CNDP2: variants seen among roughly 807,000 people sequenced by gnomAD.
CNDP2 encodes carnosine dipeptidase 2.
A neutral mutation model predicts 55.0 loss-of-function variants in CNDP2; 38 were observed. The ratio of observed to expected loss-of-function variants is 0.69; its 90% CI spans 0.53 to 0.90. CNDP2 has a LOEUF of 0.90. Ranked by LOEUF, CNDP2 falls within the 40% of genes least tolerant of loss-of-function variation. The pLI is 0.00. For missense variants in CNDP2, 607 were observed against 621.7 expected, an observed-to-expected ratio of 0.98 and a Z score of 0.25; for synonymous variants, 241 against 260.2, an observed-to-expected ratio of 0.93 and a Z score of 0.71.
intron 8 of CNDP2, 44 bp downstream of exon 8, chr18:74,513,763 G>A: frequency 1.3e-6 from 2 of 1,590,226 alleles, no homozygotes; most frequent in Non-Finnish European, 1.7e-6. Flanking sequence ...AGGCCACGCT[G>A]TGACACAGGT....
chr18:74,501,211 GCCTGTT>G, intron 2 of CNDP2, 112 bp from the exon 3 acceptor site: 1 of 1,468,112 alleles, frequency 6.8e-7, no homozygotes, highest in Non-Finnish European at 9.0e-7. Context: ...TTTCCAATCA[GCCTGTT>G]CAACTGCAGC....
At chr18:74,502,363 T>G (rs1267455509) in intron 3 of CNDP2, among the ~76,000 whole-genome samples, 1 of 152,292 alleles carries the variant, frequency 6.6e-6, no homozygotes, top group East Asian at 1.9e-4. Context: ...GGTCCTTGAA[T>G]AAGGTAGTTT....
At chr18:74,504,361 G>A (rs1468670460) in intron 3 of CNDP2, among the ~76,000 whole-genome samples, 1 of 152,270 alleles carries the variant, frequency 6.6e-6, no homozygotes, top group African/African-American at 2.4e-5. Context: ...CTGCCGCTGG[G>A]ACAAATGAGG....
rs1166191925 is a variant in CNDP2 at position 74,501,435 on chromosome 18, G to A, written c.167G>A (p.Gly56Glu). The A allele has an allele frequency of 9.9e-6, 16 of 1,613,978 alleles. No homozygotes were observed. Among genetic ancestry groups the A allele is most frequent in the Non-Finnish European group, 3.4e-6 (4 of 1,179,998 alleles). ...GCTGCTGCAGATGTTAAGCAGTTGGGGGGCTCTGTGGAACTGGTGGATATC... is the reference window on the plus strand; with the variant it reads ...GCTGCTGCAGATGTTAAGCAGTTGGAGGGCTCTGTGGAACTGGTGGATATC... ...EVAAADVKQL[G>E]GSVELVDIGK... The change falls in exon 3 of 12, where the codon GGG (glycine) becomes GAG (glutamate). Residue 56 changes from glycine to glutamate, a missense_variant. Gly to Glu is a moderately conservative substitution (Grantham distance 98). Coordinates refer to ENST00000324262, the MANE Select transcript of CNDP2 (RefSeq NM_018235.3).
chr18:74,506,577 T>C (rs1979038292), intron 4 of CNDP2, among the ~76,000 whole-genome samples: 2 of 152,210 alleles, frequency 1.3e-5, no homozygotes, highest in Admixed American at 6.5e-5. Context: ...GCTGATGCTT[T>C]TTCTCAGAAT....
intron 3 of CNDP2, among the ~76,000 whole-genome samples, chr18:74,504,252 G>A (rs1978884356): frequency 6.7e-6 from 1 of 148,612 alleles, no homozygotes; most frequent in African/African-American, 2.5e-5. Flanking sequence ...AGTGCCGCTG[G>A]GACAAATGAT....
At position 74,510,870 on chromosome 18, in the gene CNDP2, G is replaced by T. The variant is rs780248302; in HGVS notation, c.514G>T (p.Gly172Cys). 6.2e-7 allele frequency: 1 copy of T among 1,614,094 alleles called. No individual in the cohort carries two copies. Among genetic ancestry groups the T allele is most frequent in the South Asian group, 1.1e-5 (1 of 91,078 alleles). The part of the protein sequence containing the change: ...LEGMEESGSE[G>C]LDELIFARKD... ...AGGCATGGAGGAGTCAGGCTCTGAG[G>T]GCCTAGACGAGCTGATTTTTGCCCG... The change falls in exon 6 of 12, where the codon GGC (glycine) becomes TGC (cysteine). Residue 172 changes from glycine (G) to cysteine (C), a missense_variant. Physicochemically the swap from Gly to Cys is radical, Grantham distance 159. Coordinates refer to ENST00000324262, the MANE Select transcript of CNDP2 (RefSeq NM_018235.3).
chr18:74,500,743 T>TTTTA (rs1978644170), intron 2 of CNDP2, among the ~76,000 whole-genome samples: 1 of 152,230 alleles, frequency 6.6e-6, no homozygotes, highest in Non-Finnish European at 1.5e-5. Flanking sequence ...GCTGGGAGCA[T>TTTTA]CGGCAAGCTA....
At chr18:74,499,700 A>C in intron 1 of CNDP2, 182 bp from the exon 2 acceptor site, 1 of 385,274 alleles carries the variant, frequency 2.6e-6, no homozygotes, top group Non-Finnish European at 4.6e-6. Flanking sequence ...CTGACACGGA[A>C]TTTTGTGTAA....
chr18:74,513,212 G>A (rs948008740), intron 7 of CNDP2, among the ~76,000 whole-genome samples: 7 of 152,354 alleles, frequency 4.6e-5, no homozygotes, highest in South Asian at 2.1e-4. Context: ...GGTTTGCGTC[G>A]TGGTCTATGA....
chr18:74,513,465 C>T (rs1979468611), intron 7 of CNDP2, 94 bp from the exon 8 acceptor site: 2 of 1,367,430 alleles, frequency 1.5e-6, no homozygotes, highest in African/African-American at 1.5e-5. Flanking sequence ...CCGCATCTCT[C>T]CTGAGCCTGG....
At position 74,499,991 on chromosome 18, in the gene CNDP2, C is replaced by A; in HGVS notation, c.18C>A (p.Thr6=). 1.2e-6 allele frequency: 2 copies of A among 1,614,038 alleles called. No homozygotes were observed. The highest frequency in any genetic ancestry group is 1.7e-6 in the Non-Finnish European group (2 of 1,179,986). ...GTTGAAAGATGGCGGCCCTCACTAC[C>A]CTGTTTAAGTACATAGATGAAAATC... The part of the protein sequence containing the change: MAALT[T]LFKYIDENQD... The change falls in exon 2 of 12, where the codon ACC becomes ACA. Residue 6 remains threonine (T), a synonymous_variant. Transcript: ENST00000324262.
intron 3 of CNDP2, among the ~76,000 whole-genome samples, chr18:74,502,573 G>A (rs1315257028): frequency 6.6e-6 from 1 of 151,456 alleles, no homozygotes; most frequent in Admixed American, 6.6e-5. Flanking sequence ...AAATTGTCAC[G>A]CCACCATACC....
chr18:74,516,314 C>G lies in CNDP2; in HGVS notation c.990C>G (p.Thr330=). 6.2e-7 allele frequency: 1 copy of G among 1,614,108 alleles called. No individual in the cohort carries two copies. The highest frequency in any genetic ancestry group is 8.5e-7 in the Non-Finnish European group (1 of 1,180,004). ...EGAFSGSGAK[T]VIPRKVVGKF... Reference sequence around the variant, plus strand: ...CCTTCTCTGGGTCTGGGGCCAAGACCGTGATTCCCAGGAAGGTGGTTGGCA... The same window carrying G: ...CCTTCTCTGGGTCTGGGGCCAAGACGGTGATTCCCAGGAAGGTGGTTGGCA... The change falls in exon 9 of 12, where the codon ACC becomes ACG. Residue 330 remains threonine, a synonymous_variant. Coordinates refer to ENST00000324262, the MANE Select transcript of CNDP2 (RefSeq NM_018235.3).
rs72527615 is a variant in CNDP2 at position 74,503,073 on chromosome 18, G to GTTTTTTTTTTTTT, written c.204+1602_204+1614dup. 1.4e-5 allele frequency among the ~76,000 whole-genome samples: 2 copies of GTTTTTTTTTTTTT among 142,190 alleles called. 1 individual carries two copies. 93.3% of individuals were successfully genotyped at this position (142,190 alleles called of 152,430 possible). A position where few individuals can be genotyped will look rare whatever the true frequency, so the allele number is the denominator to read the frequency against. On this transcript the variant is annotated intron_variant, in intron 3 of 11. Transcript: ENST00000324262. ...GGTCAGACTCACCTTGCTCCCTTTCGTTTTTTTTTTTTTCCTAATATATTG... is the reference window on the plus strand; with the variant it reads ...GGTCAGACTCACCTTGCTCCCTTTCGTTTTTTTTTTTTTTTTTTTTTTTTTTCCTAATATATTG...
chr18:74,516,163 T>C (rs1268666306), intron 8 of CNDP2, 65 bp from the exon 9 acceptor site: 9 of 1,504,094 alleles, frequency 6.0e-6, no homozygotes, highest in Non-Finnish European at 8.1e-6. Context: ...TCCCAGCTCC[T>C]CGGTGAGCAG....
chr18:74,508,533 C>A (rs1210825057), intron 4 of CNDP2: 1 of 305,796 alleles, frequency 3.3e-6, no homozygotes. Context: ...GGCTGCGACT[C>A]CCTGGAGTTA....
intron 2 of CNDP2, 110 bp from the exon 3 acceptor site, chr18:74,501,219 A>AGCC: frequency 6.8e-7 from 1 of 1,479,122 alleles, no homozygotes; most frequent in Non-Finnish European, 9.0e-7. Context: ...CAGCCTGTTC[A>AGCC]ACTGCAGCAG....
chr18:74,511,127 G>T, intron 6 of CNDP2, 114 bp downstream of exon 6: 1 of 886,884 alleles, frequency 1.1e-6, no homozygotes, highest in Non-Finnish European at 1.7e-6. Context: ...GAGAAGCACA[G>T]GGCTCACTTA....
Sources: allele counts gnomAD v4.1 joint callset (sites outside exome capture counted in the v4.1 genomes callset), GRCh38; gene constraint gnomAD v4.1.1; transcripts MANE v1.5; gene names NCBI Gene and HGNC (gene_info 2026-07-23, HGNC 2026-07-21).